Variants in ANKH observed in about 807,000 individuals in gnomAD.
ANKH encodes the protein mineralization regulator ANKH.
In ANKH, 15 loss-of-function variants were observed where a neutral mutation model predicts 49.0. The ratio of observed to expected loss-of-function variants is 0.31; its 90% CI spans 0.20 to 0.47. ANKH has a LOEUF of 0.47. ANKH is among the 20% of genes least tolerant of loss of function. ANKH has a pLI of 1.00. For missense variants in ANKH, 429 were observed against 652.0 expected (o/e 0.66, Z 3.72); for synonymous variants, 273 against 260.0 (o/e 1.05, Z -0.48).
chr5:14,793,765 C>G (rs1055360297), intron 1 of ANKH, among the ~76,000 whole-genome samples: 1 of 152,136 alleles, frequency 6.6e-6, no homozygotes, highest in African/African-American at 2.4e-5. Context: ...TGTGGCCTTG[C>G]GGGGGCAGTA....
chr5:14,751,438 G>A (rs1738714627), intron 4 of ANKH, among the ~76,000 whole-genome samples, 199 bp from the exon 5 acceptor site: 1 of 152,164 alleles, frequency 6.6e-6, no homozygotes, highest in South Asian at 2.1e-4. Context: ...TTCACTGGAG[G>A]AACATGGATC....
At position 14,800,701 on chromosome 5, in the gene ANKH, T is replaced by C. The variant is rs188464557; in HGVS notation, c.97-31510A>G. On this transcript the variant is annotated intron_variant, in intron 1 of 11. Transcript: ENST00000284268. ...ACATTGCACACTTAATTGACTATAG[T>C]ATAGAGCAAATATAACATTTTTTTT... Among the ~76,000 whole-genome samples the C allele has an allele frequency of 1.8e-4, 27 of 152,086 alleles. No individual in the cohort carries two copies. In the East Asian group the frequency reaches 4.3e-3, roughly 24 times the overall value.
chr5:14,767,588 C>T (rs1739296938), intron 2 of ANKH, among the ~76,000 whole-genome samples: 1 of 152,082 alleles, frequency 6.6e-6, no homozygotes, highest in Non-Finnish European at 1.5e-5. Flanking sequence ...ATTGCAATAA[C>T]ACGGGATGCT....
intron 8 of ANKH, among the ~76,000 whole-genome samples, chr5:14,733,018 G>C (rs1738053479): frequency 6.6e-6 from 1 of 152,338 alleles, no homozygotes; most frequent in African/African-American, 2.4e-5. Context: ...ACTTGTAAGA[G>C]ATCAGTGGTG....
chr5:14,838,391 T>A (rs1741721004), intron 1 of ANKH, among the ~76,000 whole-genome samples: 1 of 149,630 alleles, frequency 6.7e-6, no homozygotes. Context: ...ATAATAAAAA[T>A]AATAATAAAA....
chr5:14,853,922 T>G (rs1464783529), intron 1 of ANKH, among the ~76,000 whole-genome samples: 2 of 152,156 alleles, frequency 1.3e-5, no homozygotes, highest in Admixed American at 6.5e-5. Context: ...CTCATCAAAT[T>G]CAATTCCAGA....
chr5:14,721,568 G>C (rs567921234), intron 8 of ANKH, among the ~76,000 whole-genome samples: 1 of 152,290 alleles, frequency 6.6e-6, no homozygotes, highest in Non-Finnish European at 1.5e-5. Flanking sequence ...GTTTTTCAAC[G>C]AGTGGATATT....
intron 1 of ANKH, among the ~76,000 whole-genome samples, chr5:14,789,455 TAAAAA>T (rs35825962): frequency 7.8e-6 from 1 of 128,162 alleles, no homozygotes; most frequent in Non-Finnish European, 1.7e-5. Flanking sequence ...ATGGTGGTGA[TAAAAA>T]AAAAAAAAAA....
intron 1 of ANKH, among the ~76,000 whole-genome samples, chr5:14,794,115 T>C (rs1740296160): frequency 6.6e-6 from 1 of 152,248 alleles, no homozygotes. Flanking sequence ...ACTAACTGCA[T>C]GGCTGTATTC....
At position 14,803,139 on chromosome 5, in the gene ANKH, G is replaced by A. The variant is rs114553341; in HGVS notation, c.97-33948C>T. Reference sequence around the variant, plus strand: ...TTTAAATGTTGGTGTGTGCATACTGGGCTGCAATGAAAGAACTATTACTGT... The same window carrying A: ...TTTAAATGTTGGTGTGTGCATACTGAGCTGCAATGAAAGAACTATTACTGT... On this transcript the variant is annotated intron_variant, in intron 1 of 11. Transcript: ENST00000284268. Among the ~76,000 whole-genome samples, 311 of 152,268 alleles carry A rather than the reference G, an allele frequency of 2.0e-3. 1 individual carries two copies. The highest frequency in any genetic ancestry group is 7.0e-3 in the African/African-American group (289 of 41,536).
rs188732498 is a variant in ANKH, at chr5:14,745,501, C to T, written c.915+369G>A. ...CACGGCTTCCTGCCTACACCTTAGC[C>T]ATCTGGTATGGGGTCAGCAAAGCAT... On this transcript the variant is annotated intron_variant, in intron 7 of 11. Transcript: ENST00000284268. This position sits in a 1 kb window ranked among gnomAD's most constrained non-coding sequence, Gnocchi z 4.7. Among the ~76,000 whole-genome samples the T allele has an allele frequency of 8.3e-4, 127 of 152,320 alleles. 1 individual carries two copies. The highest frequency in any genetic ancestry group is 3.4e-3 in the Middle Eastern group (1 of 294).
intron 1 of ANKH, among the ~76,000 whole-genome samples, chr5:14,789,747 T>C (rs1423675399): frequency 6.6e-6 from 1 of 152,298 alleles, no homozygotes; most frequent in East Asian, 1.9e-4. Context: ...GATCTCACTC[T>C]GTTGCCTGGC....
intron 11 of ANKH, 59 bp from the exon 12 acceptor site, chr5:14,711,369 C>T (rs1737195643): frequency 3.4e-6 from 5 of 1,453,386 alleles, no homozygotes; most frequent in Non-Finnish European, 2.9e-6. Context: ...CACAGCAGAA[C>T]CACGAGCAGG....
intron 3 of ANKH, among the ~76,000 whole-genome samples, chr5:14,758,058 T>C (rs1358160034): frequency 9.9e-5 from 15 of 152,206 alleles, no homozygotes; most frequent in Admixed American, 9.2e-4. Context: ...ATACACAAGA[T>C]GTGGCCTAGA....
At chr5:14,793,023 T>TATATATATATAAATATATATATATATAA (rs1554006436) in intron 1 of ANKH, among the ~76,000 whole-genome samples, 1 of 66,604 alleles carries the variant, frequency 1.5e-5, no homozygotes, top group African/African-American at 6.1e-5. Flanking sequence ...TATATATAAA[T>TATATATATATAAATATATATATATATAA]ATATATATAT....
intron 2 of ANKH, among the ~76,000 whole-genome samples, chr5:14,764,511 C>G (rs1739197701): frequency 6.6e-6 from 1 of 152,194 alleles, no homozygotes; most frequent in African/African-American, 2.4e-5. Flanking sequence ...TGGCCCTCAG[C>G]TGACCATAGA....
intron 1 of ANKH, among the ~76,000 whole-genome samples, chr5:14,772,680 G>A (rs78255279): frequency 0.031 from 4,743 of 152,276 alleles, 98 homozygotes; most frequent in Middle Eastern, 0.058. Flanking sequence ...ATCTATGTGC[G>A]AAACTCACCA....
chr5:14,812,556 C>T (rs866093998), intron 1 of ANKH, among the ~76,000 whole-genome samples: 1 of 152,258 alleles, frequency 6.6e-6, no homozygotes, highest in South Asian at 2.1e-4. Context: ...CTTAATGGGC[C>T]CCTCTGAGCC....
intron 1 of ANKH, among the ~76,000 whole-genome samples, chr5:14,825,500 C>T (rs1443250101): frequency 6.6e-6 from 1 of 152,128 alleles, no homozygotes; most frequent in African/African-American, 2.4e-5. Flanking sequence ...TACAGGTGTG[C>T]ACCACCATGC....
Sources: gnomAD v4.1 joint callset for allele counts (sites outside exome capture counted in the v4.1 genomes callset) on GRCh38, gnomAD v4.1.1 for gene constraint, Gnocchi (gnomAD v3.1) non-coding constraint, MANE v1.5 for transcripts, NCBI Gene and HGNC (gene_info 2026-07-23, HGNC 2026-07-21) for gene names.